Variants in MRAP observed in about 807,000 individuals in gnomAD.
MRAP encodes melanocortin 2 receptor accessory protein.
A neutral mutation model predicts 8.7 loss-of-function variants in MRAP; 8 were observed. The ratio of observed to expected loss-of-function variants is 0.92; its 90% CI spans 0.54 to 1.66. The LOEUF (loss-of-function observed/expected upper bound fraction) is 1.66, where lower values mean the gene tolerates loss of function less well. Ranked by LOEUF, MRAP falls within the 40% of genes most tolerant of loss-of-function variation. The probability of loss-of-function intolerance (pLI) is 0.00; values close to 1 mark genes in which losing one functional copy is unlikely to be tolerated. For missense variants in MRAP, 237 were observed against 217.1 expected, an observed-to-expected ratio of 1.09 and a Z score of -0.58; for synonymous variants, 95 against 95.5, an observed-to-expected ratio of 1.00 and a Z score of 0.03.
Position 32,303,563 on chromosome 21 carries a change from G to A in MRAP, c.107-3077G>A, listed in dbSNP as rs368866027. 1.3e-3 allele frequency among the ~76,000 whole-genome samples: 198 copies of A among 152,324 alleles called. 2 individuals are homozygous for A. Among genetic ancestry groups the A allele is most frequent in the African/African-American group, 4.6e-3 (192 of 41,576 alleles). ...AGAGGGGAAGGAGAGAAAGGAAGGA[G>A]GGAAGAGAGGAGAGAGGGAAGGAAA... On this transcript the variant is annotated intron_variant, in intron 1 of 2. Coordinates refer to ENST00000303645, the MANE Select transcript of MRAP (RefSeq NM_001379228.1).
chr21:32,308,359 AAG>A (rs1191176737), intron 2 of MRAP, among the ~76,000 whole-genome samples: 1 of 152,168 alleles, frequency 6.6e-6, no homozygotes, highest in Non-Finnish European at 1.5e-5. Context: ...CCTGGGCAAG[AAG>A]AGAGAAACTC....
downstream of MRAP, chr21:32,314,554 TAA>T (rs2032648416): frequency 6.2e-7 from 1 of 1,613,818 alleles, no homozygotes; most frequent in Non-Finnish European, 8.5e-7. Flanking sequence ...ATTTCAGCTT[TAA>T]CACAGATGAA....
At chr21:32,312,422 A>G, downstream of MRAP, 1 of 799,946 alleles carries the variant, frequency 1.3e-6, no homozygotes, top group Non-Finnish European at 1.6e-6. Context: ...CTCCACTAAC[A>G]CCCGCCGGCT....
At position 32,298,956 on chromosome 21, in the gene MRAP, G is replaced by A; in HGVS notation, c.-16G>A. 1 of 1,601,138 alleles carries A rather than the reference G, an allele frequency of 6.2e-7. No homozygotes were observed. The highest frequency in any genetic ancestry group is 8.6e-7 in the Non-Finnish European group (1 of 1,168,382). On this transcript the variant is annotated 5_prime_UTR_variant, in exon 1 of 3. Coordinates refer to ENST00000303645, the MANE Select transcript of MRAP (RefSeq NM_001379228.1). ...GAGGCTGCCGGCCCGGACGCTGACT[G>A]CCCAGTGCCACAGACATGGCCAACG... is the stretch of plus-strand genomic sequence containing the variant.
upstream of MRAP, among the ~76,000 whole-genome samples, chr21:32,296,512 T>C (rs2032141757): frequency 6.6e-6 from 1 of 152,192 alleles, no homozygotes; most frequent in Admixed American, 6.5e-5. Flanking sequence ...TTGTGATAAT[T>C]GCATCGCTAG....
At chr21:32,314,198 T>C (rs1159034286), downstream of MRAP, 3 of 192,460 alleles carry the variant, frequency 1.6e-5, no homozygotes, top group East Asian at 3.9e-4. Flanking sequence ...TTTTTTTATT[T>C]TTTTGAGATG....
chr21:32,300,070 G>A (rs763982499), intron 1 of MRAP, among the ~76,000 whole-genome samples: 3 of 152,138 alleles, frequency 2.0e-5, no homozygotes, highest in African/African-American at 4.8e-5. Context: ...GCTTCCTTGG[G>A]TTTTCACTCA....
intron 1 of MRAP, among the ~76,000 whole-genome samples, chr21:32,305,595 G>T (rs1817130916): frequency 6.6e-6 from 1 of 152,182 alleles, no homozygotes; most frequent in African/African-American, 2.4e-5. Context: ...CTAATGTGCT[G>T]GTTTAGCCCC....
intron 1 of MRAP, among the ~76,000 whole-genome samples, chr21:32,292,619 A>T (rs143697085): frequency 0.018 from 2,718 of 151,950 alleles, 70 homozygotes; most frequent in African/African-American, 0.061. Flanking sequence ...ACCACGCCTG[A>T]CTGATTTTTG....
intron 1 of MRAP, among the ~76,000 whole-genome samples, chr21:32,292,000 C>T (rs2032057735): frequency 6.6e-6 from 1 of 152,152 alleles, no homozygotes; most frequent in Non-Finnish European, 1.5e-5. Context: ...CATCTCCCAT[C>T]AAGCAATTGC....
upstream of MRAP, among the ~76,000 whole-genome samples, chr21:32,294,479 C>T (rs998521169): frequency 5.9e-5 from 9 of 152,074 alleles, no homozygotes; most frequent in South Asian, 4.2e-4. Context: ...TTTTGATGTG[C>T]GTATTGGCTA....
chr21:32,298,337 T>C (rs2032179286), upstream of MRAP, among the ~76,000 whole-genome samples: 4 of 151,902 alleles, frequency 2.6e-5, no homozygotes, highest in South Asian at 8.3e-4. Flanking sequence ...GGGGCTTAGA[T>C]ATAAGTGGAG....
upstream of MRAP, among the ~76,000 whole-genome samples, chr21:32,295,255 G>A (rs10854356): frequency 0.25 from 38,190 of 152,062 alleles, 5,960 homozygotes; most frequent in Middle Eastern, 0.35. Context: ...ATGGAAGGGG[G>A]CCAAGCGGGC....
chr21:32,298,707 G>A, upstream of MRAP: 1 of 432,466 alleles, frequency 2.3e-6, no homozygotes, highest in South Asian at 2.1e-5. Flanking sequence ...CCGTTCTCCT[G>A]CCTCTCTGCT....
At chr21:32,312,681 C>T (rs1029869525), downstream of MRAP, 1 of 157,250 alleles carries the variant, frequency 6.4e-6, no homozygotes, top group Non-Finnish European at 1.4e-5. Flanking sequence ...CTTTATGTGA[C>T]AGTGGATCTG....
chr21:32,303,468 T>G (rs1260287098), intron 1 of MRAP, among the ~76,000 whole-genome samples: 1 of 152,226 alleles, frequency 6.6e-6, no homozygotes, highest in South Asian at 2.1e-4. Context: ...AGCCTGGCCA[T>G]GCCATCCAGA....
chr21:32,306,594 T>A, intron 1 of MRAP, 46 bp from the exon 2 acceptor site: 1 of 1,545,038 alleles, frequency 6.5e-7, no homozygotes, highest in Non-Finnish European at 9.0e-7. Context: ...AGCGTTGCTT[T>A]ATGTTGACAT....
chr21:32,304,371 C>T (rs1415549109), intron 1 of MRAP, among the ~76,000 whole-genome samples: 1 of 152,140 alleles, frequency 6.6e-6, no homozygotes, highest in Non-Finnish European at 1.5e-5. Context: ...AACCCCAGCA[C>T]TTTGGGAGGC....
intron 2 of MRAP, among the ~76,000 whole-genome samples, chr21:32,307,404 C>A (rs1039553192): frequency 1.3e-5 from 2 of 151,932 alleles, no homozygotes; most frequent in Admixed American, 1.3e-4. Context: ...TGGTGAAACC[C>A]TGTCTCTACT....
Sources: allele counts gnomAD v4.1 joint callset (sites outside exome capture counted in the v4.1 genomes callset), GRCh38; gene constraint gnomAD v4.1.1; transcripts MANE v1.5; gene names NCBI Gene and HGNC (gene_info 2026-07-23, HGNC 2026-07-21).